FHIP1B: variants seen among roughly 807,000 people sequenced by gnomAD.
The protein encoded by FHIP1B is FHF complex subunit HOOK interacting protein 1B.
In FHIP1B, 28 loss-of-function variants were observed where a neutral mutation model predicts 82.2. The observed-to-expected ratio is 0.34, with a 90% CI of 0.25 to 0.47. The LOEUF (loss-of-function observed/expected upper bound fraction) is 0.47, where lower values mean the gene tolerates loss of function less well. Ranked by LOEUF, FHIP1B falls within the 20% of genes least tolerant of loss-of-function variation. The pLI, the probability that FHIP1B is intolerant of heterozygous loss-of-function variation, is 1.00. For synonymous variants in FHIP1B, 585 were observed against 516.1 expected (o/e 1.13, Z -1.81); for missense variants, 1,110 against 1,262.6 (o/e 0.88, Z 1.83).
chr11:6,215,656 G>C (rs959219364), intron 9 of FHIP1B, among the ~76,000 whole-genome samples: 2 of 152,248 alleles, frequency 1.3e-5, no homozygotes, highest in African/African-American at 4.8e-5. Flanking sequence ...GGATAGCTTA[G>C]TGCAGGGGCA....
rs1341139503 is a variant in FHIP1B, at chr11:6,234,600, T to A, written c.-248A>T. ...GCCCGGTTGCTGCTGCGGTGTTAGGTGAGTTCAGGCCGCCGCCATCGCTTC... is the reference window on the plus strand; with the variant it reads ...GCCCGGTTGCTGCTGCGGTGTTAGGAGAGTTCAGGCCGCCGCCATCGCTTC... On this transcript the variant is annotated 5_prime_UTR_variant, in exon 1 of 12. Transcript: ENST00000449352. The A allele has an allele frequency of 6.5e-6, 1 of 152,852 alleles. No individual in the cohort carries two copies. The highest frequency in any genetic ancestry group is 2.4e-5 in the African/African-American group (1 of 41,408). The allele number at this position is 152,852 out of a possible 1,614,324, so 9.5% of individuals were successfully genotyped here.
At chr11:6,219,869 T>C (rs1002441838) in intron 6 of FHIP1B, among the ~76,000 whole-genome samples, 3 of 152,206 alleles carry the variant, frequency 2.0e-5, no homozygotes, top group African/African-American at 4.8e-5. Context: ...CATTATTTGC[T>C]ACATGACCAC....
chr11:6,214,586 C>T lies in FHIP1B; in HGVS notation c.2395-13G>A, dbSNP rs1207770325. On this transcript the variant is annotated splice_polypyrimidine_tract_variant and intron_variant, in intron 10 of 11. Coordinates refer to ENST00000449352, the MANE Select transcript of FHIP1B (RefSeq NM_001098794.2). ...CAGAGCCCAGCACCTATGAAGCACA[C>T]CTTCGTGACATTTCTGAGCAGCTCT... The T allele has an allele frequency of 6.9e-6, 11 of 1,605,306 alleles. No homozygotes were observed. The highest frequency in any genetic ancestry group is 1.1e-5 in the South Asian group (1 of 89,856).
In FHIP1B at chr11:6,214,908, G is replaced by T; in HGVS notation, c.2219C>A (p.Pro740His). The T allele has an allele frequency of 6.4e-7, 1 of 1,565,088 alleles. No homozygotes were observed. The highest frequency in any genetic ancestry group is 8.7e-7 in the Non-Finnish European group (1 of 1,152,732). The change falls in exon 10 of 12, where the codon CCC (proline) becomes CAC (histidine). Residue 740 changes from proline to histidine, a missense_variant. Physicochemically the swap from Pro to His is moderately conservative, Grantham distance 77 (BLOSUM62 -2). Coordinates refer to ENST00000449352, the MANE Select transcript of FHIP1B (RefSeq NM_001098794.2). ...TTTGGCAAAGAGCACAGCCATGAAGGGGCCTGGGTTGGGGGGGAGGTGGGC... is the reference window on the plus strand; with the variant it reads ...TTTGGCAAAGAGCACAGCCATGAAGTGGCCTGGGTTGGGGGGGAGGTGGGC... ...NQLPSQPFTG[P>H]FMAVLFAKLE... is the part of the protein sequence containing the mutation.
chr11:6,219,989 A>G (rs1484712790), intron 6 of FHIP1B, among the ~76,000 whole-genome samples: 3 of 152,238 alleles, frequency 2.0e-5, no homozygotes, highest in African/African-American at 7.2e-5. Flanking sequence ...TTAGCTAGCA[A>G]TGAAAAAATT....
chr11:6,222,856 G>T lies in FHIP1B; in HGVS notation c.978C>A (p.Ile326=). The change falls in exon 5 of 12, where the codon ATC becomes ATA. Residue 326 remains isoleucine (I), a synonymous_variant. Transcript: ENST00000449352. ...TGACAGGCACCAGGAACCCATTATGGATATAATCAACCAACTGCTTCTGCA... is the reference window on the plus strand; with the variant it reads ...TGACAGGCACCAGGAACCCATTATGTATATAATCAACCAACTGCTTCTGCA... The part of the protein sequence containing the change: ...PLVQKQLVDY[I]HNGFLVPVMG... 1 of 1,614,146 alleles carries T rather than the reference G, an allele frequency of 6.2e-7. No homozygotes were observed.
At chr11:6,216,756 C>T in intron 9 of FHIP1B, 2 of 405,724 alleles carry the variant, frequency 4.9e-6, no homozygotes, top group South Asian at 2.9e-5. Flanking sequence ...ACTCTATCTG[C>T]TTAAGACAGT....
At chr11:6,231,249 C>G (rs767590959) in intron 1 of FHIP1B, among the ~76,000 whole-genome samples, 9 of 152,026 alleles carry the variant, frequency 5.9e-5, no homozygotes, top group Non-Finnish European at 8.8e-5. Flanking sequence ...AGTAAAAGAG[C>G]AGAAAGTATG....
chr11:6,219,096 G>A lies in FHIP1B; in HGVS notation c.1192-46C>T, dbSNP rs115108477. ...GAGGGAGTCACCATAAGAGCTCTCT[G>A]CCCTCCAAGCCATTCACCAAACGGG... On this transcript the variant is annotated intron_variant, in intron 6 of 11. Transcript: ENST00000449352. The A allele has an allele frequency of 1.2e-3, 1,741 of 1,467,084 alleles. 17 individuals are homozygous for A. In the African/African-American group the frequency reaches 0.022, roughly 18 times the overall value. 90.9% of individuals were successfully genotyped at this position (1,467,084 alleles called of 1,614,324 possible). A position where few individuals can be genotyped will look rare whatever the true frequency, so the allele number is the denominator to read the frequency against.
At chr11:6,228,012 G>T (rs912309094) in intron 1 of FHIP1B, among the ~76,000 whole-genome samples, 1 of 152,198 alleles carries the variant, frequency 6.6e-6, no homozygotes, top group Admixed American at 6.5e-5. Flanking sequence ...GAATCGAAAT[G>T]TAAGATGTAC....
At chr11:6,217,271 C>T in intron 9 of FHIP1B, 100 bp downstream of exon 9, 1 of 1,089,206 alleles carries the variant, frequency 9.2e-7, no homozygotes, top group Non-Finnish European at 1.4e-6. Context: ...TAGGCAAGTA[C>T]ACAGAAATGA....
At chr11:6,220,410 C>A in intron 6 of FHIP1B, among the ~76,000 whole-genome samples, 1 of 152,186 alleles carries the variant, frequency 6.6e-6, no homozygotes, top group East Asian at 1.9e-4. Flanking sequence ...CCAGGTCATA[C>A]ATATGACCTA....
Position 6,224,638 on chromosome 11 carries a change from A to T in FHIP1B, c.-122T>A, listed in dbSNP as rs553636178. ...GGTCTGTAGGAGCCAGTAGCTGCCC[A>T]TGGAGCCAGAGGTTATACCAGGCTG... is the stretch of plus-strand genomic sequence containing the variant. On this transcript the variant is annotated 5_prime_UTR_variant, in exon 2 of 12. The change abolishes an upstream ATG in the 5' untranslated region. Coordinates refer to ENST00000449352, the MANE Select transcript of FHIP1B (RefSeq NM_001098794.2). 1 of 1,046,832 alleles carries T rather than the reference A, an allele frequency of 9.6e-7. No individual in the cohort carries two copies. Among genetic ancestry groups the T allele is most frequent in the African/African-American group, 1.6e-5 (1 of 62,228 alleles). The allele number at this position is 1,046,832 out of a possible 1,614,324, so 64.8% of individuals were successfully genotyped here. A position where few individuals can be genotyped will look rare whatever the true frequency, so the allele number is the denominator to read the frequency against.
At chr11:6,213,935 G>A (rs1847145907) in intron 11 of FHIP1B, among the ~76,000 whole-genome samples, 1 of 140,462 alleles carries the variant, frequency 7.1e-6, no homozygotes, top group African/African-American at 2.7e-5. Flanking sequence ...CTTCTACTCT[G>A]AGAAATTCAG....
At chr11:6,233,467 GGT>G (rs1200281336) in intron 1 of FHIP1B, among the ~76,000 whole-genome samples, 1 of 152,116 alleles carries the variant, frequency 6.6e-6, no homozygotes, top group Admixed American at 6.5e-5. Flanking sequence ...CCAACTACAG[GGT>G]GTGGAGAGGA....
rs756018551 is a variant in FHIP1B, at chr11:6,217,708, G to A, written c.1878C>T (p.Gly626=). The A allele has an allele frequency of 3.1e-6, 5 of 1,611,886 alleles. No individual in the cohort carries two copies. The East Asian group carries it at 6.7e-5, about 22-fold the overall frequency. The change falls in exon 9 of 12, where the codon GGC becomes GGT. Residue 626 remains glycine, a synonymous_variant. Coordinates refer to ENST00000449352, the MANE Select transcript of FHIP1B (RefSeq NM_001098794.2). ...RRGRAGGAGE[G]PGHLPPPQLN... Reference sequence around the variant, plus strand: ...GCTGGGGAGGGGGCAGGTGACCAGGGCCCTCCCCTGCACCCCCAGCCCGCC... The same window carrying A: ...GCTGGGGAGGGGGCAGGTGACCAGGACCCTCCCCTGCACCCCCAGCCCGCC...
rs767140179 is a variant in FHIP1B, at chr11:6,217,704, C to T, written c.1882G>A (p.Gly628Ser). Residue 628 changes from glycine to serine, a missense_variant, in exon 9 of 12, where the codon GGT becomes AGT. By Grantham distance (56) the Gly-to-Ser change is moderately conservative. Transcript: ENST00000449352. ...TTGAGCTGGGGAGGGGGCAGGTGACCAGGGCCCTCCCCTGCACCCCCAGCC... is the reference window on the plus strand; with the variant it reads ...TTGAGCTGGGGAGGGGGCAGGTGACTAGGGCCCTCCCCTGCACCCCCAGCC... ...GRAGGAGEGP[G>S]HLPPPQLNGV... 2 of 1,612,688 alleles carry T rather than the reference C, an allele frequency of 1.2e-6. No homozygotes were observed. The highest frequency in any genetic ancestry group is 1.1e-5 in the South Asian group (1 of 90,942).
chr11:6,218,930 C>T, intron 7 of FHIP1B, 41 bp downstream of exon 7: 2 of 1,607,366 alleles, frequency 1.2e-6, no homozygotes, highest in African/African-American at 1.3e-5. Flanking sequence ...GACTCTGAGG[C>T]TTCAGGGTCA....
chr11:6,231,734 C>T (rs574236991), intron 1 of FHIP1B, among the ~76,000 whole-genome samples: 1 of 152,222 alleles, frequency 6.6e-6, no homozygotes, highest in African/African-American at 2.4e-5. Flanking sequence ...TGGTCTCAAA[C>T]TCCTGAAGTC....
Sources: gnomAD v4.1 joint callset for allele counts (sites outside exome capture counted in the v4.1 genomes callset) on GRCh38, gnomAD v4.1.1 for gene constraint, MANE v1.5 for transcripts, NCBI Gene and HGNC (gene_info 2026-07-23, HGNC 2026-07-21) for gene names.